GPC6: variants seen among roughly 807,000 people sequenced by gnomAD.
GPC6 encodes glypican-6.
Under a neutral mutation model 55.2 loss-of-function variants are expected in GPC6, and 14 were observed. The observed-to-expected ratio is 0.25, with a 90% CI of 0.17 to 0.40. The LOEUF (loss-of-function observed/expected upper bound fraction) is 0.40. Among genes scored for constraint, GPC6 ranks in the 10% least tolerant of loss-of-function variants. The probability of loss-of-function intolerance (pLI) is 1.00; values close to 1 mark genes in which losing one functional copy is unlikely to be tolerated. For synonymous variants in GPC6, 278 were observed against 259.6 expected (o/e 1.07, Z -0.68); for missense variants, 641 against 708.5 (o/e 0.90, Z 1.08).
chr13:93,435,392 A>G (rs1379922106), intron 1 of GPC6, among the ~76,000 whole-genome samples: 1 of 152,026 alleles, frequency 6.6e-6, no homozygotes, highest in Non-Finnish European at 1.5e-5. Flanking sequence ...CTGGTACTAC[A>G]GTCGTGAGTC....
At chr13:94,110,062 T>TAAAA (rs78404632) in intron 4 of GPC6, among the ~76,000 whole-genome samples, 6 of 84,624 alleles carry the variant, frequency 7.1e-5, no homozygotes, top group Admixed American at 1.2e-4. Flanking sequence ...CACCCTGGAC[T>TAAAA]AAAAAAAAAA....
chr13:93,999,400 G>A (rs1881701680), intron 3 of GPC6, among the ~76,000 whole-genome samples: 5 of 152,200 alleles, frequency 3.3e-5, no homozygotes, highest in Admixed American at 2.6e-4. Flanking sequence ...TGGTGCATAT[G>A]TGCCACATTT....
intron 2 of GPC6, among the ~76,000 whole-genome samples, chr13:93,799,494 C>T (rs1021958471): frequency 4.6e-5 from 7 of 152,136 alleles, no homozygotes; most frequent in African/African-American, 1.7e-4. Context: ...GTTTGTCAGA[C>T]ACTTAATCCT....
At chr13:93,874,944 G>A (rs1889245656) in intron 3 of GPC6, among the ~76,000 whole-genome samples, 1 of 151,760 alleles carries the variant, frequency 6.6e-6, no homozygotes, top group Non-Finnish European at 1.5e-5. Flanking sequence ...CCTCTATCCT[G>A]ACACACACGT....
chr13:94,314,893 C>T (rs998618759), intron 6 of GPC6, among the ~76,000 whole-genome samples: 1 of 152,130 alleles, frequency 6.6e-6, no homozygotes, highest in African/African-American at 2.4e-5. Flanking sequence ...ATAACATACT[C>T]GGACACTCTT....
chr13:94,356,474 G>C (rs116574167), intron 6 of GPC6, among the ~76,000 whole-genome samples: 3 of 152,174 alleles, frequency 2.0e-5, no homozygotes, highest in Non-Finnish European at 4.4e-5. Context: ...GCCCTCTTTT[G>C]TTCACTACTT....
chr13:94,192,241 T>A (rs1033261298), intron 4 of GPC6, among the ~76,000 whole-genome samples: 1 of 152,184 alleles, frequency 6.6e-6, no homozygotes, highest in Non-Finnish European at 1.5e-5. Flanking sequence ...TTCATGCTAG[T>A]TAATCTTTGC....
chr13:93,340,028 T>TTC (rs1324597352), intron 1 of GPC6, among the ~76,000 whole-genome samples: 5 of 50,026 alleles, frequency 1.0e-4, no homozygotes, highest in African/African-American at 5.2e-4. Flanking sequence ...TTTTCTTTCT[T>TTC]TTTTTTTTTT....
At chr13:93,637,937 T>A (rs749311748) in intron 2 of GPC6, among the ~76,000 whole-genome samples, 4 of 152,114 alleles carry the variant, frequency 2.6e-5, no homozygotes, top group Non-Finnish European at 4.4e-5. Context: ...GTGTCCAGAT[T>A]GCTCAAGTCA....
At chr13:94,028,264 CA>C (rs199814666) in intron 4 of GPC6, among the ~76,000 whole-genome samples, 146 of 139,594 alleles carry the variant, frequency 1.0e-3, no homozygotes, top group East Asian at 4.5e-3. Flanking sequence ...GACCCTGTCT[CA>C]AAAAAAAAAA....
intron 1 of GPC6, among the ~76,000 whole-genome samples, chr13:93,359,956 T>C (rs964882242): frequency 7.9e-5 from 12 of 152,254 alleles, no homozygotes; most frequent in African/African-American, 2.7e-4. Context: ...TAAGCTGTTA[T>C]GCCTTCCCAG....
intron 2 of GPC6, among the ~76,000 whole-genome samples, chr13:93,721,368 A>G (rs1883449740): frequency 6.6e-6 from 1 of 151,764 alleles, no homozygotes; most frequent in Admixed American, 6.6e-5. Flanking sequence ...TATTATTAAA[A>G]GGAACAACTT....
At chr13:93,965,246 C>G (rs1289448309) in intron 3 of GPC6, among the ~76,000 whole-genome samples, 1 of 149,714 alleles carries the variant, frequency 6.7e-6, no homozygotes, top group African/African-American at 2.5e-5. Flanking sequence ...CCCCTCTCTA[C>G]TAAAAATACA....
intron 3 of GPC6, among the ~76,000 whole-genome samples, chr13:93,844,321 T>G (rs1217291880): frequency 6.6e-6 from 1 of 152,074 alleles, no homozygotes. Context: ...GTATTTTTAG[T>G]AGAGACGGGG....
At chr13:93,807,535 T>A (rs1886577001) in intron 2 of GPC6, among the ~76,000 whole-genome samples, 1 of 152,168 alleles carries the variant, frequency 6.6e-6, no homozygotes, top group Non-Finnish European at 1.5e-5. Context: ...AGTTACTGAT[T>A]CAGACAAAAT....
chr13:94,051,298 CT>C (rs1459961132), intron 4 of GPC6, among the ~76,000 whole-genome samples: 2 of 152,160 alleles, frequency 1.3e-5, no homozygotes, highest in African/African-American at 4.8e-5. Flanking sequence ...TTCTTCAAAC[CT>C]ATCCATCATC....
At chr13:93,366,508 G>A (rs9524022) in intron 1 of GPC6, among the ~76,000 whole-genome samples, 45,997 of 151,816 alleles carry the variant, frequency 0.3, 7,924 homozygotes, top group East Asian at 0.78. Context: ...AAGTTATGAC[G>A]ATATTAAATT....
At chr13:93,378,957 T>C (rs1448940613) in intron 1 of GPC6, among the ~76,000 whole-genome samples, 1 of 149,420 alleles carries the variant, frequency 6.7e-6, no homozygotes, top group Admixed American at 6.7e-5. Flanking sequence ...ATCATGCCAT[T>C]GCACTCCAGC....
At position 93,336,697 on chromosome 13, in the gene GPC6, G is replaced by T. The variant is rs145866344; in HGVS notation, c.160+109081G>T. On this transcript the variant is annotated intron_variant, in intron 1 of 8. Transcript: ENST00000377047. ...TGTATTAATCAAAACAGCTGTGAGG[G>T]TTACTAGGTAGACTGTGACACCGGG... is the stretch of plus-strand genomic sequence containing the variant. Among the ~76,000 whole-genome samples the T allele has an allele frequency of 3.3e-3, 500 of 152,166 alleles. 5 individuals carry two copies. The highest frequency in any genetic ancestry group is 5.0e-3 in the Non-Finnish European group (339 of 68,008).
Sources: allele counts gnomAD v4.1 joint callset (sites outside exome capture counted in the v4.1 genomes callset), GRCh38; gene constraint gnomAD v4.1.1; transcripts MANE v1.5; gene names NCBI Gene and HGNC (gene_info 2026-07-23, HGNC 2026-07-21).